DLG2: variants seen among roughly 807,000 people sequenced by gnomAD.
The protein encoded by DLG2 is discs large MAGUK scaffold protein 2, also known as disks large homolog 2.
Under a neutral mutation model 132.5 loss-of-function variants are expected in DLG2, and 45 were observed. The ratio of observed to expected loss-of-function variants is 0.34; its 90% CI spans 0.27 to 0.44. DLG2 has a LOEUF of 0.44. Ranked by LOEUF, DLG2 falls within the 20% of genes least tolerant of loss-of-function variation. DLG2 has a pLI of 1.00. For missense variants in DLG2, 1,045 were observed against 1,196.9 expected, an observed-to-expected ratio of 0.87 and a Z score of 1.87; for synonymous variants, 424 against 419.6, an observed-to-expected ratio of 1.01 and a Z score of -0.13.
chr11:83,520,003 ATTC>A (rs1331337532), intron 21 of DLG2, among the ~76,000 whole-genome samples: 1 of 152,190 alleles, frequency 6.6e-6, no homozygotes, highest in Non-Finnish European at 1.5e-5. Flanking sequence ...TATGGTATTA[ATTC>A]TTTGGGCAGG....
intron 7 of DLG2, among the ~76,000 whole-genome samples, chr11:84,287,490 C>T (rs896035554): frequency 5.9e-5 from 9 of 152,080 alleles, no homozygotes; most frequent in Non-Finnish European, 1.3e-4. Context: ...TCAAGTAAGA[C>T]TTGTCTTAAC....
rs550772472 is a variant in DLG2, at chr11:84,383,403, G to A, written c.520-132112C>T. ...TCTCCTTGAGTTGAAGTGGTGATTG[G>A]CATCTAAATAATATAATATAGCAAA... On this transcript the variant is annotated intron_variant, in intron 7 of 27. Coordinates refer to ENST00000376104, the MANE Select transcript of DLG2 (RefSeq NM_001142699.3). Among the ~76,000 whole-genome samples the A allele has an allele frequency of 2.0e-3, 309 of 151,984 alleles. 2 individuals are homozygous for A. Among genetic ancestry groups the A allele is most frequent in the Non-Finnish European group, 3.6e-3 (245 of 67,924 alleles).
intron 6 of DLG2, among the ~76,000 whole-genome samples, chr11:84,573,895 G>A (rs1385615413): frequency 6.6e-6 from 1 of 152,176 alleles, no homozygotes; most frequent in Non-Finnish European, 1.5e-5. Context: ...ATGAATAACT[G>A]AGAAGAACTA....
chr11:84,714,617 TTCTCTTTCTCTCTCTC>T (rs2060942652), intron 6 of DLG2, among the ~76,000 whole-genome samples: 63 of 96,632 alleles, frequency 6.5e-4, no homozygotes, highest in Admixed American at 3.4e-3. Flanking sequence ...CTCTTTCTCT[TTCTCTTTCTCTCTCTC>T]TCTCTCTCTC....
At chr11:85,493,719 G>A (rs750495635) in intron 3 of DLG2, among the ~76,000 whole-genome samples, 2 of 146,606 alleles carry the variant, frequency 1.4e-5, no homozygotes, top group Non-Finnish European at 3.0e-5. Context: ...AGGAGGGGAG[G>A]GTAGGAGAGA....
chr11:84,475,176 G>A (rs1364985873), intron 7 of DLG2, among the ~76,000 whole-genome samples: 1 of 152,118 alleles, frequency 6.6e-6, no homozygotes, highest in Non-Finnish European at 1.5e-5. Flanking sequence ...CTGTGTCCAA[G>A]ATAAGACATG....
chr11:84,123,023 C>A (rs867895281), intron 9 of DLG2, among the ~76,000 whole-genome samples: 28 of 152,116 alleles, frequency 1.8e-4, no homozygotes, highest in Non-Finnish European at 2.4e-4. Flanking sequence ...GGAAAAAAAA[C>A]CCCTAATATT....
intron 6 of DLG2, among the ~76,000 whole-genome samples, chr11:84,944,033 C>T (rs1408939464): frequency 6.6e-6 from 1 of 151,980 alleles, no homozygotes; most frequent in Non-Finnish European, 1.5e-5. Context: ...GGATAAAAAG[C>T]CTTGTAAATA....
chr11:84,577,948 G>T (rs577793939), intron 6 of DLG2, among the ~76,000 whole-genome samples: 18 of 152,264 alleles, frequency 1.2e-4, no homozygotes, highest in South Asian at 4.1e-4. Context: ...GGGATTTGGT[G>T]CCCTGTGTCC....
intron 6 of DLG2, among the ~76,000 whole-genome samples, chr11:84,713,933 T>C (rs1596326006): frequency 6.6e-6 from 1 of 152,154 alleles, no homozygotes; most frequent in Non-Finnish European, 1.5e-5. Flanking sequence ...TTAAAATACA[T>C]TCACAAAGCC....
chr11:84,126,990 C>T (rs1423449474), intron 9 of DLG2, among the ~76,000 whole-genome samples: 12 of 152,168 alleles, frequency 7.9e-5, no homozygotes, highest in Admixed American at 7.9e-4. Context: ...GCAAGTGGTA[C>T]AAACCAATCT....
intron 6 of DLG2, among the ~76,000 whole-genome samples, chr11:84,996,399 A>G (rs545000977): frequency 4.1e-4 from 62 of 151,894 alleles, no homozygotes; most frequent in African/African-American, 1.5e-3. Context: ...ATTTATCTTA[A>G]TCTCTCGTAG....
intron 3 of DLG2, among the ~76,000 whole-genome samples, chr11:85,577,922 C>G (rs2078256806): frequency 6.6e-6 from 1 of 151,986 alleles, no homozygotes; most frequent in Non-Finnish European, 1.5e-5. Context: ...ATAAAAAGCC[C>G]AAATAGCCAA....
chr11:85,419,628 C>T (rs1374380443), intron 3 of DLG2, among the ~76,000 whole-genome samples: 2 of 152,106 alleles, frequency 1.3e-5, no homozygotes, highest in Non-Finnish European at 2.9e-5. Context: ...TTTATTCATT[C>T]CTTTTCATTC....
At chr11:84,974,342 G>C (rs2054564100) in intron 6 of DLG2, among the ~76,000 whole-genome samples, 1 of 152,152 alleles carries the variant, frequency 6.6e-6, no homozygotes. Flanking sequence ...TGGGAAACTA[G>C]AATCTTCAAG....
At chr11:84,558,469 C>A (rs2099416431) in intron 6 of DLG2, among the ~76,000 whole-genome samples, 2 of 152,096 alleles carry the variant, frequency 1.3e-5, no homozygotes, top group Admixed American at 6.6e-5. Context: ...AGGAAACAAG[C>A]AGAAACCTTT....
At chr11:84,906,493 A>G (rs1211098530) in intron 6 of DLG2, among the ~76,000 whole-genome samples, 1 of 152,040 alleles carries the variant, frequency 6.6e-6, no homozygotes, top group Non-Finnish European at 1.5e-5. Context: ...AAATAAAAAC[A>G]TATGAGACAG....
chr11:84,351,316 G>C (rs1299338220), intron 7 of DLG2, among the ~76,000 whole-genome samples: 1 of 151,478 alleles, frequency 6.6e-6, no homozygotes, highest in Non-Finnish European at 1.5e-5. Flanking sequence ...TTTCAGCCCA[G>C]GTCCTCTCAT....
At chr11:84,460,601 C>A (rs1198097780) in intron 7 of DLG2, among the ~76,000 whole-genome samples, 1 of 150,358 alleles carries the variant, frequency 6.7e-6, no homozygotes. Context: ...TGAATTACAA[C>A]CTTTTTAACA....
Sources: allele counts gnomAD v4.1 joint callset (sites outside exome capture counted in the v4.1 genomes callset), GRCh38; gene constraint gnomAD v4.1.1; transcripts MANE v1.5; gene names NCBI Gene and HGNC (gene_info 2026-07-23, HGNC 2026-07-21).